Variants in LMBRD1 observed in about 807,000 individuals in gnomAD.
LMBRD1 encodes the protein lysosomal cobalamin transport escort protein LMBD1.
LMBRD1 carries 64 observed loss-of-function variants against 74.8 expected under a neutral mutation model. That is an observed-to-expected ratio of 0.86 (90% CI 0.70 to 1.05). The LOEUF is 1.05. Among genes scored for constraint, LMBRD1 ranks in the 50% least tolerant of loss-of-function variants. The pLI is 0.00. For missense variants in LMBRD1, 652 were observed against 645.9 expected (o/e 1.01, Z -0.10); for synonymous variants, 204 against 216.3 (o/e 0.94, Z 0.50).
Position 69,683,431 on chromosome 6 carries a change from G to C in LMBRD1, c.1418-6890C>G, listed in dbSNP as rs16868004. ...AGGGTAAATTAATTAGCTGCCATTT[G>C]GGTGACATTAGATTCTTGGGCTGTT... On this transcript the variant is annotated intron_variant, in intron 14 of 15. Coordinates refer to ENST00000649934, the MANE Select transcript of LMBRD1 (RefSeq NM_018368.4). Among the ~76,000 whole-genome samples, 504 of 152,042 alleles carry C rather than the reference G, an allele frequency of 3.3e-3. 9 individuals carry two copies. The East Asian group carries it at 0.037, about 11-fold the overall frequency.
chr6:69,675,928 C>A lies in LMBRD1; in HGVS notation c.*230G>T. ...AGGAAAAAATTTTGCACAAACATTC[C>A]CTCACAAAGCCAGTAGTCTTATATT... On this transcript the variant is annotated 3_prime_UTR_variant, in exon 16 of 16. Transcript: ENST00000649934. 1 of 487,348 alleles carries A rather than the reference C, an allele frequency of 2.1e-6. No homozygotes were observed. The highest frequency in any genetic ancestry group is 2.5e-5 in the South Asian group (1 of 40,632). The allele number at this position is 487,348 out of a possible 1,614,324, so 30.2% of individuals were successfully genotyped here.
At chr6:69,731,311 T>C (rs1766853171) in intron 7 of LMBRD1, among the ~76,000 whole-genome samples, 1 of 152,124 alleles carries the variant, frequency 6.6e-6, no homozygotes, top group Non-Finnish European at 1.5e-5. Context: ...TAGAAGAGAA[T>C]AATTCAGATA....
At chr6:69,777,422 G>A (rs1366216916) in intron 3 of LMBRD1, among the ~76,000 whole-genome samples, 18 of 141,514 alleles carry the variant, frequency 1.3e-4, no homozygotes, top group East Asian at 2.1e-4. Context: ...TTCAGCCTGC[G>A]CAACAGAGCA....
At chr6:69,728,351 A>G (rs1562101514) in intron 7 of LMBRD1, among the ~76,000 whole-genome samples, 1 of 152,242 alleles carries the variant, frequency 6.6e-6, no homozygotes, top group Non-Finnish European at 1.5e-5. Context: ...AGATTTGGGT[A>G]GAGACAGACA....
chr6:69,761,945 G>T (rs1765384353), intron 3 of LMBRD1, among the ~76,000 whole-genome samples: 1 of 152,118 alleles, frequency 6.6e-6, no homozygotes, highest in African/African-American at 2.4e-5. Context: ...TTTTTTCTCT[G>T]TTAACACATA....
rs1189724166 is a variant in LMBRD1 at position 69,685,399 on chromosome 6, A to G, written c.1418-8858T>C. 2.0e-5 allele frequency among the ~76,000 whole-genome samples: 3 copies of G among 152,208 alleles called. No homozygotes were observed. The East Asian group carries it at 5.8e-4, about 29-fold the overall frequency. On this transcript the variant is annotated intron_variant, in intron 14 of 15. Transcript: ENST00000649934. ...ATCAGATGATGTGAGGGGAGCACTTACAGTTTTTACTAGAGAAATGGCATT... is the reference window on the plus strand; with the variant it reads ...ATCAGATGATGTGAGGGGAGCACTTGCAGTTTTTACTAGAGAAATGGCATT...
chr6:69,746,803 C>G (rs1162114122), intron 5 of LMBRD1: 1 of 172,960 alleles, frequency 5.8e-6, no homozygotes, highest in Non-Finnish European at 1.3e-5. Flanking sequence ...AATTTGGCTA[C>G]AGCAACAGGG....
intron 4 of LMBRD1, among the ~76,000 whole-genome samples, chr6:69,751,919 A>G (rs896610716): frequency 1.3e-5 from 2 of 152,232 alleles, no homozygotes; most frequent in Non-Finnish European, 2.9e-5. Context: ...GTCTAAAACA[A>G]TAGTTACAAG....
intron 7 of LMBRD1, among the ~76,000 whole-genome samples, chr6:69,735,407 G>C (rs1766953724): frequency 6.7e-6 from 1 of 148,842 alleles, no homozygotes; most frequent in African/African-American, 2.5e-5. Flanking sequence ...GCCAGAAACT[G>C]TTCTTTTTTC....
chr6:69,752,207 G>A lies in LMBRD1; in HGVS notation c.405+52C>T, dbSNP rs191298392. On this transcript the variant is annotated intron_variant, in intron 4 of 15. Transcript: ENST00000649934. ...AGTCATTCATTCTCTGAAAAAGCAG[G>A]TAATATTATTTTTCTTTCCTAAACT... The A allele has an allele frequency of 7.9e-5, 123 of 1,548,560 alleles. No homozygotes were observed. In the African/African-American group the frequency reaches 1.3e-3, roughly 17 times the overall value.
chr6:69,686,458 T>G (rs986595469), intron 14 of LMBRD1, among the ~76,000 whole-genome samples: 5 of 152,068 alleles, frequency 3.3e-5, no homozygotes, highest in Non-Finnish European at 5.9e-5. Context: ...CAAAGTCAAG[T>G]AGGCCCAAAG....
At position 69,713,655 on chromosome 6, in the gene LMBRD1, C is replaced by T. The variant is rs142962811; in HGVS notation, c.905G>A (p.Arg302His). The T allele has an allele frequency of 4.9e-5, 79 of 1,613,386 alleles. No homozygotes were observed. Among genetic ancestry groups the T allele is most frequent in the African/African-American group, 9.3e-5 (7 of 74,984 alleles). The change falls in exon 9 of 16, where the codon CGT becomes CAT. Residue 302 changes from arginine to histidine, a missense_variant. By Grantham distance (29) the Arg-to-His change is conservative (BLOSUM62 0). This residue lies in a region of LMBRD1 where 598 missense variants were observed against 581.8 expected (regional missense o/e 1.03). Coordinates refer to ENST00000649934, the MANE Select transcript of LMBRD1 (RefSeq NM_018368.4). ...AAAAACTTCATTTACCTTCAGGGGA[C>T]GCAGAGCGCCACAAAATTTTGTCCA... ...SWWTKFCGAL[R>H]PLKIVWGIFF...
At chr6:69,697,893 A>G (rs1766040687) in intron 13 of LMBRD1, among the ~76,000 whole-genome samples, 1 of 152,076 alleles carries the variant, frequency 6.6e-6, no homozygotes, top group African/African-American at 2.4e-5. Flanking sequence ...AACAAATTCC[A>G]TTTTTAATAC....
chr6:69,717,065 A>T lies in LMBRD1; in HGVS notation c.762+1891T>A, dbSNP rs570634328. 5.9e-5 allele frequency among the ~76,000 whole-genome samples: 9 copies of T among 152,096 alleles called. 1 individual carries two copies. In the South Asian group the frequency reaches 8.3e-4, roughly 14 times the overall value. On this transcript the variant is annotated intron_variant, in intron 8 of 15. Transcript: ENST00000649934. The stretch of plus-strand genomic sequence containing the variant: ...TTTAAAAGAGGTCCAAAGAATTTTT[A>T]AAAAATATATTGAGTTGTTCTCGAC...
chr6:69,787,308 C>T (rs900776118), intron 2 of LMBRD1, among the ~76,000 whole-genome samples: 4 of 152,078 alleles, frequency 2.6e-5, no homozygotes, highest in Admixed American at 6.6e-5. Context: ...TCATGAATTT[C>T]ACTAATCCTC....
At chr6:69,707,232 C>T (rs1227060160) in intron 9 of LMBRD1, among the ~76,000 whole-genome samples, 1 of 152,122 alleles carries the variant, frequency 6.6e-6, no homozygotes, top group East Asian at 1.9e-4. Flanking sequence ...CTTTGATGTA[C>T]CCTTTATCAC....
chr6:69,790,499 G>A (rs1766056819), intron 1 of LMBRD1, 27 bp from the exon 2 acceptor site: 1 of 1,602,050 alleles, frequency 6.2e-7, no homozygotes, highest in Non-Finnish European at 8.5e-7. Context: ...AGAGATGTTT[G>A]TTACTACCCA....
chr6:69,738,201 T>C (rs1767016814), intron 6 of LMBRD1, among the ~76,000 whole-genome samples, 186 bp from the exon 7 acceptor site: 1 of 152,146 alleles, frequency 6.6e-6, no homozygotes, highest in Non-Finnish European at 1.5e-5. Context: ...TCTTTAAAAA[T>C]TGATTTGTAA....
At chr6:69,763,798 T>C (rs1352156443) in intron 3 of LMBRD1, among the ~76,000 whole-genome samples, 1 of 152,236 alleles carries the variant, frequency 6.6e-6, no homozygotes, top group Admixed American at 6.5e-5. Context: ...AGCTATCTTA[T>C]AATTCTAATA....
Sources: gnomAD v4.1 joint callset for allele counts (sites outside exome capture counted in the v4.1 genomes callset) on GRCh38, gnomAD v4.1.1 for gene constraint, gnomAD v4.1.1 regional missense constraint, MANE v1.5 for transcripts, NCBI Gene and HGNC (gene_info 2026-07-23, HGNC 2026-07-21) for gene names.